SCMH1: variants seen among roughly 807,000 people sequenced by gnomAD.
SCMH1 encodes Scm polycomb group protein homolog 1, also known as polycomb protein SCMH1.
Under a neutral mutation model 70.8 loss-of-function variants are expected in SCMH1, and 37 were observed. That is an observed-to-expected ratio of 0.52 (90% CI 0.40 to 0.69). The LOEUF (loss-of-function observed/expected upper bound fraction) is 0.69, where lower values mean the gene tolerates loss of function less well. Among genes scored for constraint, SCMH1 ranks in the 30% least tolerant of loss-of-function variants. The pLI is 0.00. For missense variants in SCMH1, 607 were observed against 827.3 expected, an observed-to-expected ratio of 0.73 and a Z score of 3.27; for synonymous variants, 292 against 307.4, an observed-to-expected ratio of 0.95 and a Z score of 0.52.
chr1:41,204,973 A>G (rs998073910), intron 1 of SCMH1, among the ~76,000 whole-genome samples: 13 of 152,370 alleles, frequency 8.5e-5, no homozygotes, highest in African/African-American at 2.9e-4. Context: ...TGAATTGAAA[A>G]TACATTATAC....
intron 6 of SCMH1, among the ~76,000 whole-genome samples, chr1:41,131,288 T>C (rs1375248085): frequency 6.6e-6 from 1 of 152,220 alleles, no homozygotes; most frequent in African/African-American, 2.4e-5. Context: ...TCTTCAGTAC[T>C]ATAGCTTTGT....
chr1:41,178,932 GTTC>G (rs1647841202), intron 2 of SCMH1, among the ~76,000 whole-genome samples: 1 of 152,126 alleles, frequency 6.6e-6, no homozygotes, highest in East Asian at 1.9e-4. Context: ...CAGAATATAC[GTTC>G]TTCTCAGCAC....
intron 8 of SCMH1, among the ~76,000 whole-genome samples, chr1:41,106,354 C>G (rs1358623856): frequency 6.6e-6 from 1 of 151,494 alleles, no homozygotes; most frequent in South Asian, 2.1e-4. Context: ...AAGTGTGACA[C>G]CCCCCTCCCC....
At chr1:41,156,100 C>G (rs549885478) in intron 4 of SCMH1, among the ~76,000 whole-genome samples, 1 of 150,952 alleles carries the variant, frequency 6.6e-6, no homozygotes, top group African/African-American at 2.4e-5. Context: ...CTCAACAGTA[C>G]AAATGGACAG....
At chr1:41,193,829 T>C (rs190450325) in intron 1 of SCMH1, among the ~76,000 whole-genome samples, 19 of 152,316 alleles carry the variant, frequency 1.2e-4, no homozygotes, top group Admixed American at 5.9e-4. Flanking sequence ...GACTCTGGTA[T>C]CATCCCAAGA....
intron 8 of SCMH1, among the ~76,000 whole-genome samples, chr1:41,087,666 CT>C: frequency 6.6e-6 from 1 of 152,176 alleles, no homozygotes; most frequent in Middle Eastern, 3.4e-3. Context: ...ATAATATACT[CT>C]GTTGGTGAGG....
At chr1:41,236,099 C>T (rs1253866997) in intron 1 of SCMH1, among the ~76,000 whole-genome samples, 2 of 151,964 alleles carry the variant, frequency 1.3e-5, no homozygotes, top group African/African-American at 4.8e-5. Flanking sequence ...GGGTATATAC[C>T]TAGGAGTGGA....
chr1:41,067,464 A>C (rs199750300), intron 10 of SCMH1, among the ~76,000 whole-genome samples: 37 of 132,456 alleles, frequency 2.8e-4, no homozygotes, highest in South Asian at 5.2e-4. Flanking sequence ...ACAACAAAAA[A>C]AAAAAAAAAA....
intron 1 of SCMH1, among the ~76,000 whole-genome samples, chr1:41,217,249 T>C (rs1216913215): frequency 6.6e-6 from 1 of 152,196 alleles, no homozygotes; most frequent in African/African-American, 2.4e-5. Context: ...GTCCGAATTA[T>C]GTTGAGCCAC....
rs371936991 is a variant in SCMH1 at position 41,192,422 on chromosome 1, G to C, written c.-117-6172C>G. ...CAAGTTAACTTAGCCTCCTGTGCCT[G>C]AGTTTCCTCCGCAGCAAAATAAAGA... On this transcript the variant is annotated intron_variant, in intron 1 of 14. Coordinates refer to ENST00000337495, the Ensembl canonical transcript of SCMH1. Among the ~76,000 whole-genome samples the C allele has an allele frequency of 1.1e-4, 16 of 151,990 alleles. No individual in the cohort carries two copies. In the South Asian group the frequency reaches 3.3e-3, roughly 32 times the overall value.
intron 13 of SCMH1, among the ~76,000 whole-genome samples, chr1:41,030,261 A>G (rs1644336529): frequency 6.6e-6 from 1 of 151,926 alleles, no homozygotes; most frequent in African/African-American, 2.4e-5. Flanking sequence ...AACCATGTCA[A>G]CCCCTTCTAA....
intron 1 of SCMH1, among the ~76,000 whole-genome samples, chr1:41,190,082 A>C (rs1651307770): frequency 6.6e-6 from 1 of 152,226 alleles, no homozygotes; most frequent in Non-Finnish European, 1.5e-5. Flanking sequence ...AAAGACGATG[A>C]CAGTCCTGGA....
intron 2 of SCMH1, among the ~76,000 whole-genome samples, chr1:41,178,813 T>G (rs12405355): frequency 0.11 from 16,459 of 152,076 alleles, 1,265 homozygotes; most frequent in East Asian, 0.27. Context: ...ACTGTCAACA[T>G]TAGACAGATC....
intron 2 of SCMH1, among the ~76,000 whole-genome samples, chr1:41,161,960 G>A (rs988722242): frequency 2.0e-5 from 3 of 152,174 alleles, no homozygotes; most frequent in African/African-American, 4.8e-5. Context: ...TCATCATGCC[G>A]GCTGCAGCAG....
In SCMH1 at chr1:41,065,813, C is replaced by T. The variant is rs548552162; in HGVS notation, c.1105+4782G>A. ...ACCTACACTCTTGAAAAAAAGTAAC[C>T]CCAAAAGGATAATAGACCTAAATGT... On this transcript the variant is annotated intron_variant, in intron 10 of 14. Coordinates refer to ENST00000337495, the Ensembl canonical transcript of SCMH1. 7.9e-5 allele frequency among the ~76,000 whole-genome samples: 12 copies of T among 152,046 alleles called. No individual in the cohort carries two copies. In the South Asian group the frequency reaches 2.5e-3, roughly 32 times the overall value.
intron 4 of SCMH1, among the ~76,000 whole-genome samples, chr1:41,157,994 C>T (rs1645696061): frequency 6.6e-6 from 1 of 152,138 alleles, no homozygotes; most frequent in Non-Finnish European, 1.5e-5. Context: ...AAGTAATATT[C>T]CTATTCTTTC....
chr1:41,235,258 G>T (rs1662128408), intron 1 of SCMH1, among the ~76,000 whole-genome samples: 2 of 152,114 alleles, frequency 1.3e-5, no homozygotes, highest in South Asian at 4.2e-4. Context: ...TTATACTTCT[G>T]CTGTCCCCTC....
At chr1:41,218,299 A>C (rs1366393147) in intron 1 of SCMH1, among the ~76,000 whole-genome samples, 2 of 152,176 alleles carry the variant, frequency 1.3e-5, no homozygotes, top group Non-Finnish European at 2.9e-5. Flanking sequence ...AATTGCCCTT[A>C]CTTGGAAATA....
At chr1:41,088,089 C>G (rs1662280982) in intron 8 of SCMH1, among the ~76,000 whole-genome samples, 1 of 151,898 alleles carries the variant, frequency 6.6e-6, no homozygotes, top group African/African-American at 2.4e-5. Context: ...TCTTTGTGAA[C>G]TTGCAAAGGA....
Sources: allele counts gnomAD v4.1 joint callset (sites outside exome capture counted in the v4.1 genomes callset), GRCh38; gene constraint gnomAD v4.1.1; transcripts MANE v1.5; gene names NCBI Gene and HGNC (gene_info 2026-07-23, HGNC 2026-07-21).